Variants in FRMD3 observed in about 807,000 individuals in gnomAD.
The protein encoded by FRMD3 is FERM domain-containing protein 3.
A neutral mutation model predicts 70.2 loss-of-function variants in FRMD3; 33 were observed. The ratio of observed to expected loss-of-function variants is 0.47; its 90% CI spans 0.36 to 0.63. FRMD3 has a LOEUF of 0.63. FRMD3 is among the 20% of genes least tolerant of loss of function. FRMD3 has a pLI of 0.00. For missense variants in FRMD3, 632 were observed against 711.4 expected, an observed-to-expected ratio of 0.89 and a Z score of 1.27; for synonymous variants, 279 against 255.9, an observed-to-expected ratio of 1.09 and a Z score of -0.86.
intron 1 of FRMD3, among the ~76,000 whole-genome samples, chr9:83,433,312 G>T (rs1827035481): frequency 1.3e-5 from 2 of 152,304 alleles, no homozygotes; most frequent in Admixed American, 6.5e-5. Context: ...ATAAAATTCT[G>T]CATGCTCAGG....
intron 1 of FRMD3, among the ~76,000 whole-genome samples, chr9:83,536,675 T>C (rs1829898857): frequency 6.6e-6 from 1 of 152,152 alleles, no homozygotes; most frequent in Admixed American, 6.5e-5. Flanking sequence ...GAAAATTCAA[T>C]GGGAGCCTAC....
At chr9:83,249,166 G>A (rs997338599) in intron 13 of FRMD3, among the ~76,000 whole-genome samples, 6 of 151,404 alleles carry the variant, frequency 4.0e-5, no homozygotes, top group Non-Finnish European at 8.8e-5. Flanking sequence ...CATTTAGATT[G>A]CTTTGCAGTT....
the FRMD3 span, among the ~76,000 whole-genome samples, chr9:83,545,360 T>G: frequency 2.8e-5 from 4 of 141,464 alleles, no homozygotes; most frequent in East Asian, 5.9e-4. Context: ...TTTTTTGTTT[T>G]TTTTTTTTTT....
chr9:83,394,769 T>C (rs1825766100), intron 1 of FRMD3, among the ~76,000 whole-genome samples: 1 of 152,130 alleles, frequency 6.6e-6, no homozygotes, highest in Non-Finnish European at 1.5e-5. Context: ...CAAACTAGCC[T>C]ACTTGTCAGA....
intron 1 of FRMD3, among the ~76,000 whole-genome samples, chr9:83,523,505 T>G (rs1829625067): frequency 6.6e-6 from 1 of 152,222 alleles, no homozygotes; most frequent in Non-Finnish European, 1.5e-5. Context: ...GGCTGCCATT[T>G]CTAACCCAGT....
At chr9:83,394,523 T>G (rs939654194) in intron 1 of FRMD3, among the ~76,000 whole-genome samples, 3 of 152,152 alleles carry the variant, frequency 2.0e-5, no homozygotes, top group Non-Finnish European at 4.4e-5. Context: ...TTTGTAAATA[T>G]CTTGTTGGAC....
chr9:83,405,006 A>G (rs1048237717), intron 1 of FRMD3, among the ~76,000 whole-genome samples: 1 of 152,180 alleles, frequency 6.6e-6, no homozygotes, highest in Non-Finnish European at 1.5e-5. Context: ...TCCAGTTCTC[A>G]TGTTATCTAG....
intron 1 of FRMD3, among the ~76,000 whole-genome samples, chr9:83,532,974 A>C (rs1829819681): frequency 6.6e-6 from 1 of 152,228 alleles, no homozygotes; most frequent in African/African-American, 2.4e-5. Context: ...AAAAGATGGG[A>C]AGCAGCAACT....
chr9:83,336,295 C>T (rs149637362), intron 5 of FRMD3, among the ~76,000 whole-genome samples: 280 of 151,980 alleles, frequency 1.8e-3, no homozygotes, highest in African/African-American at 6.4e-3. Flanking sequence ...AGGTTGTATA[C>T]CATAAATATA....
intron 6 of FRMD3, among the ~76,000 whole-genome samples, chr9:83,332,499 T>C (rs943802006): frequency 6.6e-6 from 1 of 152,094 alleles, no homozygotes; most frequent in Admixed American, 6.5e-5. Flanking sequence ...AGGAAATTTC[T>C]TTTTTCTCTC....
intron 1 of FRMD3, among the ~76,000 whole-genome samples, chr9:83,535,764 G>C (rs1829879288): frequency 6.6e-6 from 1 of 152,170 alleles, no homozygotes; most frequent in Non-Finnish European, 1.5e-5. Flanking sequence ...CCAGGGATGA[G>C]AGCTCCTAAC....
chr9:83,341,303 G>A (rs1405570405), intron 5 of FRMD3, among the ~76,000 whole-genome samples: 1 of 152,154 alleles, frequency 6.6e-6, no homozygotes, highest in African/African-American at 2.4e-5. Flanking sequence ...TGTGAGTGTG[G>A]TCAGTAATAA....
At position 83,467,576 on chromosome 9, in the gene FRMD3, A is replaced by T. The variant is rs147844416; in HGVS notation, c.147+70509T>A. On this transcript the variant is annotated intron_variant, in intron 1 of 13. Transcript: ENST00000304195. ...CATGACATGCATTATGTTAAATAAA[A>T]GCGTACCTGAGTTGATTACATTTTA... 4.2e-6 allele frequency: 5 copies of T among 1,193,270 alleles called. No individual in the cohort carries two copies. In the East Asian group the frequency reaches 7.6e-5, roughly 18 times the overall value. The allele number at this position is 1,193,270 out of a possible 1,614,324, so 73.9% of individuals were successfully genotyped here.
chr9:83,527,679 GA>G (rs1829713975), intron 1 of FRMD3, among the ~76,000 whole-genome samples: 1 of 152,068 alleles, frequency 6.6e-6, no homozygotes, highest in Non-Finnish European at 1.5e-5. Flanking sequence ...ATTTGAACAA[GA>G]GCACAGAAAA....
chr9:83,311,665 G>A (rs1349531474), intron 8 of FRMD3, among the ~76,000 whole-genome samples: 1 of 151,998 alleles, frequency 6.6e-6, no homozygotes, highest in Non-Finnish European at 1.5e-5. Flanking sequence ...CTCTTTGAAG[G>A]CAGAGCCCCT....
At chr9:83,468,241 C>G (rs921189125) in intron 1 of FRMD3, among the ~76,000 whole-genome samples, 1 of 152,166 alleles carries the variant, frequency 6.6e-6, no homozygotes, top group Non-Finnish European at 1.5e-5. Flanking sequence ...GAAACCATTC[C>G]TTTCTTACAA....
intron 6 of FRMD3, among the ~76,000 whole-genome samples, chr9:83,322,174 C>T (rs1200932184): frequency 6.6e-6 from 1 of 151,970 alleles, no homozygotes; most frequent in African/African-American, 2.4e-5. Flanking sequence ...CTCAGTCTCA[C>T]AGCAGCCCAT....
chr9:83,395,618 T>C (rs1250959137), intron 1 of FRMD3, among the ~76,000 whole-genome samples: 1 of 152,204 alleles, frequency 6.6e-6, no homozygotes, highest in African/African-American at 2.4e-5. Flanking sequence ...TTGCTAAGGA[T>C]AACTTTCCTT....
At chr9:83,506,650 G>A (rs1303187526) in intron 1 of FRMD3, among the ~76,000 whole-genome samples, 2 of 152,104 alleles carry the variant, frequency 1.3e-5, no homozygotes, top group African/African-American at 2.4e-5. Context: ...AGGACATTAC[G>A]CTACACCACT....
Sources: gnomAD v4.1 joint callset for allele counts (sites outside exome capture counted in the v4.1 genomes callset) on GRCh38, gnomAD v4.1.1 for gene constraint, MANE v1.5 for transcripts, NCBI Gene and HGNC (gene_info 2026-07-23, HGNC 2026-07-21) for gene names.